Variants in MYO1B observed in about 807,000 individuals in gnomAD.
MYO1B encodes myosin IB, also known as unconventional myosin-Ib.
MYO1B carries 72 observed loss-of-function variants against 159.7 expected under a neutral mutation model. That is an observed-to-expected ratio of 0.45 (90% CI 0.37 to 0.55). The LOEUF (loss-of-function observed/expected upper bound fraction) is 0.55, where lower values mean the gene tolerates loss of function less well. Among genes scored for constraint, MYO1B ranks in the 20% least tolerant of loss-of-function variants. The pLI is 0.00. For synonymous variants in MYO1B, 468 were observed against 473.8 expected (o/e 0.99, Z 0.16); for missense variants, 1,062 against 1,364.8 (o/e 0.78, Z 3.50).
intron 30 of MYO1B, among the ~76,000 whole-genome samples, chr2:191,418,952 A>G (rs1415243012): frequency 6.6e-6 from 1 of 152,230 alleles, no homozygotes; most frequent in African/African-American, 2.4e-5. Context: ...GTTATGCACC[A>G]CATAATGACA....
intron 7 of MYO1B, among the ~76,000 whole-genome samples, chr2:191,359,312 G>GTTTT (rs3053692): frequency 0.43 from 57,508 of 134,182 alleles, 14,136 homozygotes; most frequent in East Asian, 0.62. Flanking sequence ...AACCTTTGGG[G>GTTTT]TTTTTTTTTT....
chr2:191,360,751 G>GTGTTGTTTGTTGT, intron 8 of MYO1B, 22 bp downstream of exon 8: 2 of 1,117,816 alleles, frequency 1.8e-6, no homozygotes, highest in Non-Finnish European at 2.6e-6. Context: ...TTTCTATGTG[G>GTGTTGTTTGTTGT]TGTTGTTGTT....
intron 30 of MYO1B, among the ~76,000 whole-genome samples, chr2:191,421,278 C>T (rs1323798143): frequency 6.6e-6 from 1 of 151,768 alleles, no homozygotes; most frequent in Non-Finnish European, 1.5e-5. Context: ...CCGTCTTGGC[C>T]AGGCTGGTTC....
chr2:191,321,680 G>A (rs1016387235), intron 3 of MYO1B, among the ~76,000 whole-genome samples: 5 of 152,126 alleles, frequency 3.3e-5, no homozygotes, highest in African/African-American at 1.2e-4. Context: ...CTCTTTCCTT[G>A]CATATGCGTT....
intron 2 of MYO1B, among the ~76,000 whole-genome samples, chr2:191,293,210 TGAA>T (rs1688783705): frequency 6.6e-6 from 1 of 152,196 alleles, no homozygotes; most frequent in Non-Finnish European, 1.5e-5. Context: ...AAATTCCAAT[TGAA>T]GGAGTGGAGA....
At chr2:191,419,439 C>T (rs1247186957) in intron 30 of MYO1B, among the ~76,000 whole-genome samples, 2 of 151,986 alleles carry the variant, frequency 1.3e-5, no homozygotes, top group Non-Finnish European at 1.5e-5. Flanking sequence ...AGGATGGTCT[C>T]GATCTCCTGA....
intron 30 of MYO1B, among the ~76,000 whole-genome samples, chr2:191,423,601 G>T (rs1698079337): frequency 6.6e-6 from 1 of 152,160 alleles, no homozygotes. Flanking sequence ...GACTGTACTT[G>T]CATTATACTT....
chr2:191,384,429 A>G (rs1695281371), intron 15 of MYO1B, among the ~76,000 whole-genome samples: 1 of 152,018 alleles, frequency 6.6e-6, no homozygotes. Flanking sequence ...ATTAGCCAGT[A>G]TTTTTTTTCC....
chr2:191,400,063 T>C (rs1696508935), intron 21 of MYO1B, among the ~76,000 whole-genome samples: 1 of 152,196 alleles, frequency 6.6e-6, no homozygotes, highest in Non-Finnish European at 1.5e-5. Flanking sequence ...ATCATTGGAA[T>C]CCTCTGGCCC....
chr2:191,353,165 A>T (rs980142312), intron 7 of MYO1B, among the ~76,000 whole-genome samples: 12 of 152,286 alleles, frequency 7.9e-5, no homozygotes, highest in African/African-American at 2.9e-4. Flanking sequence ...AAAATAGAAG[A>T]TGGTAAAACA....
At chr2:191,279,988 C>G (rs1414373846) in intron 2 of MYO1B, among the ~76,000 whole-genome samples, 1 of 152,190 alleles carries the variant, frequency 6.6e-6, no homozygotes, top group African/African-American at 2.4e-5. Flanking sequence ...TGAACCAGCT[C>G]TAAATCGGGG....
intron 7 of MYO1B, among the ~76,000 whole-genome samples, chr2:191,356,056 G>A (rs748990403): frequency 2.0e-5 from 3 of 151,948 alleles, no homozygotes; most frequent in Non-Finnish European, 4.4e-5. Context: ...TTACAGCTTT[G>A]TTCTTCCTTT....
intron 11 of MYO1B, among the ~76,000 whole-genome samples, chr2:191,364,903 C>T (rs1240185545): frequency 2.0e-5 from 3 of 152,156 alleles, no homozygotes; most frequent in Non-Finnish European, 4.4e-5. Context: ...GTTTTTGGCC[C>T]AAGCAACTGG....
intron 24 of MYO1B, among the ~76,000 whole-genome samples, chr2:191,406,355 T>C (rs1263289052): frequency 6.6e-6 from 1 of 152,244 alleles, no homozygotes; most frequent in Admixed American, 6.5e-5. Flanking sequence ...TCAAGAATGT[T>C]TCCTTTGCAT....
intron 21 of MYO1B, among the ~76,000 whole-genome samples, chr2:191,397,128 C>CTTTTTTTTTTTTTTTTT (rs796198342): frequency 6.2e-5 from 2 of 32,252 alleles, no homozygotes; most frequent in African/African-American, 1.3e-4. Context: ...AAGATGATTT[C>CTTTTTTTTTTTTTTTTT]TTTTTTTTTT....
At chr2:191,268,340 T>G (rs114393537) in intron 1 of MYO1B, among the ~76,000 whole-genome samples, 2 of 152,182 alleles carry the variant, frequency 1.3e-5, no homozygotes, top group Non-Finnish European at 2.9e-5. Flanking sequence ...TTTTTTCTTA[T>G]AAGGACACCA....
At chr2:191,419,060 T>A (rs1255793397) in intron 30 of MYO1B, among the ~76,000 whole-genome samples, 1 of 152,248 alleles carries the variant, frequency 6.6e-6, no homozygotes, top group African/African-American at 2.4e-5. Context: ...GGTGTTGTAA[T>A]GTTATAGTGC....
At position 191,310,157 on chromosome 2, in the gene MYO1B, T is replaced by G. The variant is rs555872433; in HGVS notation, c.251+13931T>G. Among the ~76,000 whole-genome samples, 326 of 152,320 alleles carry G rather than the reference T, an allele frequency of 2.1e-3. 1 individual carries two copies. Among genetic ancestry groups the G allele is most frequent in the African/African-American group, 7.6e-3 (316 of 41,558 alleles). The stretch of plus-strand genomic sequence containing the variant: ...GAACAAGTTGGAAGTGCAGAAAAAT[T>G]GGTGGGTTCAGAAATTCTGAAGATG... On this transcript the variant is annotated intron_variant, in intron 3 of 30. Transcript: ENST00000392318.
At chr2:191,343,264 A>G (rs1489565593) in intron 5 of MYO1B, among the ~76,000 whole-genome samples, 1 of 151,960 alleles carries the variant, frequency 6.6e-6, no homozygotes, top group Non-Finnish European at 1.5e-5. Context: ...AACACGGATT[A>G]AAGCAGAACT....
Sources: gnomAD v4.1 joint callset for allele counts (sites outside exome capture counted in the v4.1 genomes callset) on GRCh38, gnomAD v4.1.1 for gene constraint, MANE v1.5 for transcripts, NCBI Gene and HGNC (gene_info 2026-07-23, HGNC 2026-07-21) for gene names.